Variants in RAB31 observed in about 807,000 individuals in gnomAD.
RAB31 encodes RAB31, member RAS oncogene family.
Under a neutral mutation model 25.6 loss-of-function variants are expected in RAB31, and 21 were observed. That is an observed-to-expected ratio of 0.82 (90% CI 0.58 to 1.18). The LOEUF (loss-of-function observed/expected upper bound fraction) is 1.18, where lower values mean the gene tolerates loss of function less well. Among genes scored for constraint, RAB31 ranks in the 50% most tolerant of loss-of-function variants. The pLI, the probability that RAB31 is intolerant of heterozygous loss-of-function variation, is 0.00. For missense variants in RAB31, 196 were observed against 250.1 expected, an observed-to-expected ratio of 0.78 and a Z score of 1.46; for synonymous variants, 87 against 84.0, an observed-to-expected ratio of 1.04 and a Z score of -0.20.
intron 5 of RAB31, among the ~76,000 whole-genome samples, chr18:9,840,461 C>T (rs1033160664): frequency 4.6e-5 from 7 of 152,174 alleles, no homozygotes; most frequent in African/African-American, 1.2e-4. Context: ...AGCCTTTCTG[C>T]ATCATGGGTC....
chr18:9,812,337 A>C (rs1366912712), intron 3 of RAB31, among the ~76,000 whole-genome samples: 1 of 152,214 alleles, frequency 6.6e-6, no homozygotes, highest in Admixed American at 6.5e-5. Context: ...TCACTCCAGT[A>C]TATATTCCTC....
chr18:9,752,453 G>A (rs1162447866), intron 1 of RAB31, among the ~76,000 whole-genome samples: 2 of 152,254 alleles, frequency 1.3e-5, no homozygotes, highest in African/African-American at 4.8e-5. Context: ...TCGAACTTAT[G>A]ACCTCAGATG....
At chr18:9,716,286 C>T (rs926240659) in intron 1 of RAB31, among the ~76,000 whole-genome samples, 3 of 152,088 alleles carry the variant, frequency 2.0e-5, no homozygotes, top group Non-Finnish European at 4.4e-5. Context: ...GAGAATACAA[C>T]GCAGGCGATC....
At chr18:9,810,526 T>C (rs2299843) in intron 3 of RAB31, among the ~76,000 whole-genome samples, 5,480 of 152,266 alleles carry the variant, frequency 0.036, 405 homozygotes, top group East Asian at 0.35. Context: ...TTCTAACTCA[T>C]TAAAACCCTC....
intron 5 of RAB31, among the ~76,000 whole-genome samples, chr18:9,819,373 T>G (rs1274656690): frequency 6.6e-6 from 1 of 152,158 alleles, no homozygotes; most frequent in African/African-American, 2.4e-5. Context: ...CCAAAAGCAG[T>G]CAACCATAAA....
At chr18:9,813,028 T>C (rs1041669858) in intron 3 of RAB31, among the ~76,000 whole-genome samples, 1 of 152,198 alleles carries the variant, frequency 6.6e-6, no homozygotes, top group Admixed American at 6.5e-5. Context: ...TAAAAAAATA[T>C]GCAGATTAAG....
chr18:9,806,421 G>C (rs1050549326), intron 3 of RAB31, among the ~76,000 whole-genome samples: 1 of 152,128 alleles, frequency 6.6e-6, no homozygotes, highest in African/African-American at 2.4e-5. Context: ...AGAAGTGAGG[G>C]AGGGGCCTTG....
At chr18:9,747,470 A>G (rs115508453) in intron 1 of RAB31, among the ~76,000 whole-genome samples, 253 of 152,382 alleles carry the variant, frequency 1.7e-3, no homozygotes, top group African/African-American at 5.6e-3. Context: ...CCAAATGTCT[A>G]TGATGAATGG....
At position 9,793,554 on chromosome 18, in the gene RAB31, C is replaced by T. The variant is rs915852942; in HGVS notation, c.201+1319C>T. On this transcript the variant is annotated intron_variant, in intron 3 of 6. Coordinates refer to ENST00000578921, the MANE Select transcript of RAB31 (RefSeq NM_006868.4). ...GTGGGCATCTGTAGTCCCAGCTACT[C>T]GGGAGGCTGAGGCAGGAGAATGGCG... Among the ~76,000 whole-genome samples the T allele has an allele frequency of 1.8e-4, 27 of 151,438 alleles. No individual in the cohort carries two copies. In the East Asian group the frequency reaches 3.5e-3, roughly 20 times the overall value.
intron 3 of RAB31, among the ~76,000 whole-genome samples, chr18:9,809,951 G>C (rs915061999): frequency 6.6e-6 from 1 of 152,218 alleles, no homozygotes; most frequent in Non-Finnish European, 1.5e-5. Flanking sequence ...TGAGCAGCCG[G>C]AGAAGCTCCA....
chr18:9,859,464 A>T lies in RAB31; in HGVS notation c.*139A>T. 1 of 670,318 alleles carries T rather than the reference A, an allele frequency of 1.5e-6. No individual in the cohort carries two copies. Among genetic ancestry groups the T allele is most frequent in the Non-Finnish European group, 2.4e-6 (1 of 408,404 alleles). The allele number at this position is 670,318 out of a possible 1,614,324, so 41.5% of individuals were successfully genotyped here. The stretch of plus-strand genomic sequence containing the variant: ...TGGCTTTGCATCCTGGAAGACCTGC[A>T]GGGGGCGGGGCAGGAAATGTACCTG... On this transcript the variant is annotated 3_prime_UTR_variant, in exon 7 of 7. Transcript: ENST00000578921.
chr18:9,713,927 G>C (rs1368095672), intron 1 of RAB31, among the ~76,000 whole-genome samples: 1 of 152,104 alleles, frequency 6.6e-6, no homozygotes. Flanking sequence ...ATTCATGAAG[G>C]CTCTACCCTC....
chr18:9,731,191 C>T (rs1285179615), intron 1 of RAB31, among the ~76,000 whole-genome samples: 2 of 151,952 alleles, frequency 1.3e-5, no homozygotes, highest in Admixed American at 6.5e-5. Context: ...GTGATCGTCC[C>T]GCCTTAGCTT....
chr18:9,754,499 C>T (rs780928036), intron 1 of RAB31, among the ~76,000 whole-genome samples: 7 of 152,092 alleles, frequency 4.6e-5, no homozygotes, highest in Non-Finnish European at 7.4e-5. Flanking sequence ...AGGCTGCTCT[C>T]GAACTTCTGA....
intron 3 of RAB31, among the ~76,000 whole-genome samples, chr18:9,803,964 A>G (rs942968115): frequency 6.6e-6 from 1 of 152,252 alleles, no homozygotes; most frequent in African/African-American, 2.4e-5. Context: ...GAGGAAGGAC[A>G]TGTTCATATA....
chr18:9,850,549 C>T (rs957840886), intron 6 of RAB31, among the ~76,000 whole-genome samples: 1 of 152,154 alleles, frequency 6.6e-6, no homozygotes, highest in African/African-American at 2.4e-5. Flanking sequence ...TGGAACCCAG[C>T]AAAATAGCTA....
At chr18:9,781,331 T>A (rs1427912865) in intron 2 of RAB31, among the ~76,000 whole-genome samples, 5 of 152,198 alleles carry the variant, frequency 3.3e-5, no homozygotes, top group Admixed American at 1.3e-4. Flanking sequence ...TCTTTTTTTT[T>A]ATTTGAGACA....
intron 5 of RAB31, among the ~76,000 whole-genome samples, chr18:9,838,695 C>A (rs1373776243): frequency 6.6e-6 from 1 of 152,224 alleles, no homozygotes; most frequent in Non-Finnish European, 1.5e-5. Context: ...AATGTTGTTT[C>A]CTGATCCCCT....
At position 9,860,235 on chromosome 18, in the gene RAB31, AT is replaced by A. The variant is rs2068840395; in HGVS notation, c.*913del. The A allele has an allele frequency of 6.6e-6, 1 of 152,220 alleles. No individual in the cohort carries two copies. Among genetic ancestry groups the A allele is most frequent in the African/African-American group, 2.4e-5 (1 of 41,458 alleles). The allele number at this position is 152,220 out of a possible 1,614,324, so 9.4% of individuals were successfully genotyped here. On this transcript the variant is annotated 3_prime_UTR_variant, in exon 7 of 7. Coordinates refer to ENST00000578921, the MANE Select transcript of RAB31 (RefSeq NM_006868.4). ...GGGGAAGAGAATTAACTAGAATTAA[AT>A]TTAATGTTTGAATCTAAATCATTGG...
Sources: gnomAD v4.1 joint callset for allele counts (sites outside exome capture counted in the v4.1 genomes callset) on GRCh38, gnomAD v4.1.1 for gene constraint, MANE v1.5 for transcripts, NCBI Gene and HGNC (gene_info 2026-07-23, HGNC 2026-07-21) for gene names.